Variants in SCRG1 observed in about 807,000 individuals in gnomAD.
The protein encoded by SCRG1 is scrapie-responsive protein 1.
Under a neutral mutation model 7.7 loss-of-function variants are expected in SCRG1, and 3 were observed. The ratio of observed to expected loss-of-function variants is 0.39; its 90% CI spans 0.18 to 1.01. The LOEUF is 1.01. Among genes scored for constraint, SCRG1 ranks in the 50% least tolerant of loss-of-function variants. The pLI is 0.36. For synonymous variants in SCRG1, 46 were observed against 41.2 expected, an observed-to-expected ratio of 1.12 and a Z score of -0.44; for missense variants, 110 against 117.2, an observed-to-expected ratio of 0.94 and a Z score of 0.28.
intron 2 of SCRG1, among the ~76,000 whole-genome samples, 198 bp downstream of exon 2, chr4:173,390,975 T>A (rs1739420194): frequency 6.6e-6 from 1 of 152,252 alleles, no homozygotes; most frequent in Non-Finnish European, 1.5e-5. Flanking sequence ...TAAACTCAGC[T>A]AAATTCCATT....
the SCRG1 span, chr4:173,420,072 T>A: frequency 1.7e-6 from 1 of 602,102 alleles, no homozygotes; most frequent in Non-Finnish European, 3.1e-6. Flanking sequence ...CCTTTCATCA[T>A]CTTCTAAATT....
the SCRG1 span, among the ~76,000 whole-genome samples, chr4:173,472,175 AT>A: frequency 9.5e-3 from 1,452 of 152,346 alleles, 27 homozygotes; most frequent in African/African-American, 0.033. Context: ...GAAAAATAAA[AT>A]TCAATGTCTA....
At chr4:173,423,507 A>T in the SCRG1 span, among the ~76,000 whole-genome samples, 1 of 150,232 alleles carries the variant, frequency 6.7e-6, no homozygotes, top group Non-Finnish European at 1.5e-5. Flanking sequence ...AGCGTTTGCT[A>T]AAAAAGTTAA....
the SCRG1 span, among the ~76,000 whole-genome samples, chr4:173,478,161 AT>A: frequency 6.6e-6 from 1 of 152,190 alleles, no homozygotes; most frequent in South Asian, 2.1e-4. Flanking sequence ...CCGACTTAAT[AT>A]AGCTTTAACC....
chr4:173,476,363 A>AAAAATATATATATATATAT, the SCRG1 span, among the ~76,000 whole-genome samples: 6 of 98,500 alleles, frequency 6.1e-5, no homozygotes, highest in East Asian at 3.6e-4. Context: ...GGAAAAAAAA[A>AAAAATATATATATATATAT]ATATATATAT....
At chr4:173,392,827 A>G (rs889444722) in intron 1 of SCRG1, among the ~76,000 whole-genome samples, 2 of 152,204 alleles carry the variant, frequency 1.3e-5, no homozygotes, top group East Asian at 3.9e-4. Flanking sequence ...GTGGTGGCTC[A>G]CACCTGTAAT....
the SCRG1 span, among the ~76,000 whole-genome samples, chr4:173,443,621 G>T: frequency 6.6e-6 from 1 of 152,120 alleles, no homozygotes; most frequent in Non-Finnish European, 1.5e-5. Context: ...TTTAAGAGAA[G>T]GGGTCTTGCT....
At chr4:173,452,564 G>A in the SCRG1 span, among the ~76,000 whole-genome samples, 1 of 152,168 alleles carries the variant, frequency 6.6e-6, no homozygotes, top group East Asian at 1.9e-4. Context: ...AATATTTAGA[G>A]GCAATTAGGC....
chr4:173,459,577 G>A, the SCRG1 span, among the ~76,000 whole-genome samples: 2 of 152,068 alleles, frequency 1.3e-5, no homozygotes, highest in Non-Finnish European at 2.9e-5. Context: ...AAATAAAAAC[G>A]CAACATATCC....
the SCRG1 span, among the ~76,000 whole-genome samples, chr4:173,463,640 C>A: frequency 2.0e-5 from 3 of 152,154 alleles, no homozygotes; most frequent in African/African-American, 7.2e-5. Context: ...AATTCTTATT[C>A]TTTATCTGGT....
At chr4:173,445,971 A>G in the SCRG1 span, among the ~76,000 whole-genome samples, 1 of 152,024 alleles carries the variant, frequency 6.6e-6, no homozygotes, top group South Asian at 2.1e-4. Context: ...GCCTTTAAGG[A>G]GACTTTTAAG....
At chr4:173,433,669 C>T in the SCRG1 span, among the ~76,000 whole-genome samples, 2 of 152,334 alleles carry the variant, frequency 1.3e-5, no homozygotes, top group Admixed American at 1.3e-4. Context: ...GTCACCCTAT[C>T]AGTGGCCTTT....
At chr4:173,419,851 C>T in the SCRG1 span, 5 of 1,284,286 alleles carry the variant, frequency 3.9e-6, no homozygotes, top group South Asian at 2.4e-5. Flanking sequence ...TATTGAGAAG[C>T]CTGCGGGCCA....
At chr4:173,484,918 T>A in the SCRG1 span, among the ~76,000 whole-genome samples, 2 of 9,992 alleles carry the variant, frequency 2.0e-4, no homozygotes, top group African/African-American at 6.0e-4. Flanking sequence ...ATGTATATTT[T>A]AGATATTATA....
the SCRG1 span, among the ~76,000 whole-genome samples, chr4:173,441,546 C>T: frequency 3.9e-5 from 6 of 152,144 alleles, no homozygotes; most frequent in Non-Finnish European, 5.9e-5. Context: ...TACTTTTGCT[C>T]ATAAAAAGTA....
the SCRG1 span, among the ~76,000 whole-genome samples, chr4:173,420,503 G>A: frequency 7.2e-5 from 11 of 152,122 alleles, no homozygotes; most frequent in Non-Finnish European, 1.6e-4. Context: ...GGTCATAGAT[G>A]AGTTCTTTAA....
At chr4:173,493,803 G>A in the SCRG1 span, among the ~76,000 whole-genome samples, 1 of 152,006 alleles carries the variant, frequency 6.6e-6, no homozygotes, top group Non-Finnish European at 1.5e-5. Context: ...TTCAGATTTG[G>A]TGGTATTTGC....
At chr4:173,394,962 C>T (rs988829604) in intron 1 of SCRG1, among the ~76,000 whole-genome samples, 2 of 152,074 alleles carry the variant, frequency 1.3e-5, no homozygotes, top group African/African-American at 4.8e-5. Flanking sequence ...TTGCATTTAA[C>T]AATAAAGATG....
chr4:173,413,657 A>G, the SCRG1 span, among the ~76,000 whole-genome samples: 1 of 152,226 alleles, frequency 6.6e-6, no homozygotes, highest in South Asian at 2.1e-4. Context: ...TGAATAGATT[A>G]CAGGCAGCAG....
Sources: gnomAD v4.1 joint callset for allele counts (sites outside exome capture counted in the v4.1 genomes callset) on GRCh38, gnomAD v4.1.1 for gene constraint, MANE v1.5 for transcripts, NCBI Gene and HGNC (gene_info 2026-07-23, HGNC 2026-07-21) for gene names.